GMDS: variants seen among roughly 807,000 people sequenced by gnomAD.
GMDS encodes the protein GDP-mannose 4,6-dehydratase.
GMDS carries 20 observed loss-of-function variants against 49.9 expected under a neutral mutation model. The ratio of observed to expected loss-of-function variants is 0.40; its 90% CI spans 0.28 to 0.58. GMDS has a LOEUF of 0.58. Among genes scored for constraint, GMDS ranks in the 20% least tolerant of loss-of-function variants. The pLI, the probability that GMDS is intolerant of heterozygous loss-of-function variation, is 0.42. For missense variants in GMDS, 362 were observed against 481.4 expected, an observed-to-expected ratio of 0.75 and a Z score of 2.32; for synonymous variants, 177 against 178.6, an observed-to-expected ratio of 0.99 and a Z score of 0.07.
At chr6:2,075,494 G>C (rs1772280987) in intron 4 of GMDS, among the ~76,000 whole-genome samples, 1 of 152,140 alleles carries the variant, frequency 6.6e-6, no homozygotes, top group South Asian at 2.1e-4. Flanking sequence ...ACCTATGAGT[G>C]AGAACACGCG....
intron 4 of GMDS, among the ~76,000 whole-genome samples, chr6:2,073,183 G>A (rs1772116302): frequency 6.6e-6 from 1 of 152,124 alleles, no homozygotes; most frequent in South Asian, 2.1e-4. Flanking sequence ...CAACAGCTCT[G>A]GGCCCCGGAG....
intron 7 of GMDS, among the ~76,000 whole-genome samples, chr6:1,791,129 T>C (rs528028393): frequency 1.2e-4 from 19 of 152,248 alleles, no homozygotes; most frequent in African/African-American, 4.6e-4. Flanking sequence ...AGGAAACAGA[T>C]TCTCCCCCAG....
At chr6:2,079,892 G>C (rs577797741) in intron 4 of GMDS, among the ~76,000 whole-genome samples, 1 of 152,134 alleles carries the variant, frequency 6.6e-6, no homozygotes, top group African/African-American at 2.4e-5. Context: ...CAAAAAAATA[G>C]ATGAGTTTTC....
chr6:1,785,313 T>C lies in GMDS; in HGVS notation c.772-42727A>G, dbSNP rs13199269. ...GTAAAAAATAAAAAAGAGCTCTAGA[T>C]GGTAGGTCAAGAAAAATTCTAACAA... On this transcript the variant is annotated intron_variant, in intron 7 of 10. Transcript: ENST00000380815. 3.1e-3 allele frequency among the ~76,000 whole-genome samples: 476 copies of C among 152,336 alleles called. 3 individuals carry two copies. Among genetic ancestry groups the C allele is most frequent in the African/African-American group, 0.011 (452 of 41,570 alleles).
At chr6:1,844,147 ACTAGGG>A (rs1282619491) in intron 7 of GMDS, among the ~76,000 whole-genome samples, 1 of 152,216 alleles carries the variant, frequency 6.6e-6, no homozygotes, top group East Asian at 1.9e-4. Context: ...AATCCCATTC[ACTAGGG>A]CTTATTATCC....
intron 7 of GMDS, among the ~76,000 whole-genome samples, chr6:1,824,966 C>T (rs555688259): frequency 1.1e-3 from 163 of 152,320 alleles, no homozygotes; most frequent in Non-Finnish European, 1.8e-3. Context: ...GCACCCAGCA[C>T]GGTGCCTTAC....
At chr6:1,927,233 G>A (rs149748763) in intron 7 of GMDS, among the ~76,000 whole-genome samples, 3 of 1,836 alleles carry the variant, frequency 1.6e-3, no homozygotes, top group South Asian at 0.025. Flanking sequence ...TAGCGTGTTG[G>A]TGTATTTTTA....
intron 8 of GMDS, among the ~76,000 whole-genome samples, chr6:1,736,196 T>C (rs1246802712): frequency 6.6e-6 from 1 of 152,184 alleles, no homozygotes; most frequent in Non-Finnish European, 1.5e-5. Context: ...CAAAAGTCTG[T>C]TGCTCCAACA....
chr6:2,133,458 T>C (rs1775846378), intron 1 of GMDS, among the ~76,000 whole-genome samples: 5 of 152,236 alleles, frequency 3.3e-5, no homozygotes, highest in Admixed American at 2.0e-4. Context: ...ATACTGCTGT[T>C]GGTTAAGCAC....
chr6:1,782,845 AT>A (rs1769160986), intron 7 of GMDS, among the ~76,000 whole-genome samples: 1 of 152,190 alleles, frequency 6.6e-6, no homozygotes, highest in South Asian at 2.1e-4. Flanking sequence ...AGGCATTATT[AT>A]TTCTCTGTCA....
At chr6:1,779,172 T>C (rs1768971829) in intron 7 of GMDS, among the ~76,000 whole-genome samples, 1 of 152,194 alleles carries the variant, frequency 6.6e-6, no homozygotes, top group African/African-American at 2.4e-5. Flanking sequence ...AGGGTCATGC[T>C]GGAGGACTTT....
At chr6:1,960,036 C>G (rs1329739517) in intron 5 of GMDS, 65 bp from the exon 6 acceptor site, 2 of 882,592 alleles carry the variant, frequency 2.3e-6, no homozygotes, top group Non-Finnish European at 3.6e-6. Context: ...TCACCATCTT[C>G]AACAGTAACA....
chr6:1,962,813 C>A (rs1044396201), intron 4 of GMDS, among the ~76,000 whole-genome samples: 2 of 151,376 alleles, frequency 1.3e-5, no homozygotes, highest in African/African-American at 4.9e-5. Flanking sequence ...AGTCCCTTAT[C>A]AAATATATGA....
At chr6:2,113,017 G>A (rs1774637222) in intron 4 of GMDS, among the ~76,000 whole-genome samples, 1 of 152,066 alleles carries the variant, frequency 6.6e-6, no homozygotes, top group African/African-American at 2.4e-5. Flanking sequence ...CTGTACCCTA[G>A]ATCTCTCTCA....
At chr6:1,718,949 T>A (rs1191343336) in intron 9 of GMDS, among the ~76,000 whole-genome samples, 1 of 152,080 alleles carries the variant, frequency 6.6e-6, no homozygotes, top group Admixed American at 6.6e-5. Context: ...GTCACTTATT[T>A]TTTAGTTTGG....
intron 7 of GMDS, among the ~76,000 whole-genome samples, chr6:1,850,920 C>G (rs1474111514): frequency 6.6e-6 from 1 of 152,206 alleles, no homozygotes; most frequent in Non-Finnish European, 1.5e-5. Flanking sequence ...CCCTCTAACT[C>G]CCGTCTCTGC....
intron 6 of GMDS, among the ~76,000 whole-genome samples, chr6:1,932,436 T>C (rs1455248071): frequency 6.6e-6 from 1 of 152,204 alleles, no homozygotes; most frequent in African/African-American, 2.4e-5. Context: ...AGTTCTTATA[T>C]TACCAGAACT....
At chr6:2,180,562 T>C (rs1165431516) in intron 1 of GMDS, among the ~76,000 whole-genome samples, 2 of 152,214 alleles carry the variant, frequency 1.3e-5, no homozygotes, top group African/African-American at 2.4e-5. Context: ...TAAAGCTATA[T>C]AGTAGCCCAC....
At chr6:2,052,958 T>C (rs1314540283) in intron 4 of GMDS, among the ~76,000 whole-genome samples, 2 of 152,244 alleles carry the variant, frequency 1.3e-5, no homozygotes, top group African/African-American at 4.8e-5. Flanking sequence ...AAACTTCTCA[T>C]CGTTAGGAAA....
Sources: gnomAD v4.1 joint callset for allele counts (sites outside exome capture counted in the v4.1 genomes callset) on GRCh38, gnomAD v4.1.1 for gene constraint, MANE v1.5 for transcripts, NCBI Gene and HGNC (gene_info 2026-07-23, HGNC 2026-07-21) for gene names.